Variants in SLC9C2 observed in about 807,000 individuals in gnomAD.
The protein encoded by SLC9C2 is solute carrier family 9 member C2 (putative).
Under a neutral mutation model 140.2 loss-of-function variants are expected in SLC9C2, and 75 were observed. The observed-to-expected ratio is 0.53, with a 90% CI of 0.44 to 0.65. The LOEUF (loss-of-function observed/expected upper bound fraction) is 0.65, where lower values mean the gene tolerates loss of function less well. Ranked by LOEUF, SLC9C2 falls within the 30% of genes least tolerant of loss-of-function variation. SLC9C2 has a pLI of 0.00. For synonymous variants in SLC9C2, 375 were observed against 420.9 expected, an observed-to-expected ratio of 0.89 and a Z score of 1.34; for missense variants, 1,074 against 1,331.8, an observed-to-expected ratio of 0.81 and a Z score of 3.01.
intron 27 of SLC9C2, among the ~76,000 whole-genome samples, chr1:173,502,536 G>A (rs984832568): frequency 6.6e-6 from 1 of 152,080 alleles, no homozygotes; most frequent in Admixed American, 6.5e-5. Context: ...CACCAAAATT[G>A]TCTCTATTCT....
At chr1:173,590,192 G>A (rs1666076156) in intron 4 of SLC9C2, among the ~76,000 whole-genome samples, 1 of 149,594 alleles carries the variant, frequency 6.7e-6, no homozygotes, top group South Asian at 2.1e-4. Context: ...ACAGTGAGCT[G>A]AGATTGTGCC....
chr1:173,572,517 T>C (rs1664906418), intron 9 of SLC9C2, among the ~76,000 whole-genome samples: 1 of 152,240 alleles, frequency 6.6e-6, no homozygotes, highest in African/African-American at 2.4e-5. Flanking sequence ...TAAATTCTTA[T>C]GGAAGACACA....
At chr1:173,538,916 A>G (rs1423429342) in intron 13 of SLC9C2, among the ~76,000 whole-genome samples, 1 of 152,084 alleles carries the variant, frequency 6.6e-6, no homozygotes, top group Non-Finnish European at 1.5e-5. Flanking sequence ...TGATATACAC[A>G]TTCTGTGAGA....
At chr1:173,544,930 A>G (rs1253651926) in intron 13 of SLC9C2, among the ~76,000 whole-genome samples, 2 of 152,182 alleles carry the variant, frequency 1.3e-5, no homozygotes, top group Admixed American at 6.5e-5. Flanking sequence ...TGGGTGCAGC[A>G]AACCAACATG....
chr1:173,572,044 T>C (rs1162701925), intron 9 of SLC9C2, among the ~76,000 whole-genome samples: 1 of 152,218 alleles, frequency 6.6e-6, no homozygotes, highest in Non-Finnish European at 1.5e-5. Context: ...TGAGATGATC[T>C]ATTATTATGC....
At chr1:173,507,488 G>A (rs1031817594) in intron 24 of SLC9C2, among the ~76,000 whole-genome samples, 3 of 150,404 alleles carry the variant, frequency 2.0e-5, no homozygotes, top group Non-Finnish European at 4.4e-5. Flanking sequence ...CTGGGAGGGA[G>A]TTATTATGGG....
intron 21 of SLC9C2, 125 bp from the exon 22 acceptor site, chr1:173,521,524 G>GTATA (rs3052169): frequency 3.6e-5 from 9 of 250,836 alleles, no homozygotes; most frequent in East Asian, 1.2e-4. Context: ...GTGTGTGTGT[G>GTATA]TATATATATA....
chr1:173,568,321 C>A (rs1210133866), intron 9 of SLC9C2, among the ~76,000 whole-genome samples: 1 of 152,040 alleles, frequency 6.6e-6, no homozygotes, highest in Admixed American at 6.6e-5. Context: ...CTGTTGTTTC[C>A]TTCTTTGTAT....
At chr1:173,542,957 G>T (rs1192690235) in intron 13 of SLC9C2, among the ~76,000 whole-genome samples, 2 of 152,176 alleles carry the variant, frequency 1.3e-5, no homozygotes, top group Non-Finnish European at 2.9e-5. Context: ...ACAAGACAGG[G>T]ATGCCCTCTC....
chr1:173,555,140 G>C (rs1391236298), intron 10 of SLC9C2: 1 of 179,832 alleles, frequency 5.6e-6, no homozygotes, highest in Admixed American at 6.2e-5. Context: ...GCCATCTCAG[G>C]CATGGCTGTG....
Position 173,524,077 on chromosome 1 carries a change from T to A in SLC9C2, c.2532A>T (p.Leu844Phe), listed in dbSNP as rs759582525. The stretch of plus-strand genomic sequence containing the variant: ...CCTTTGGAAAGTTATTTAGTGCTTT[T>A]AATTTTTTAAGAAGTACCTAAAAAC... ...IEINKVLLKKLKALNNFPKAI... is the reference protein window; with the variant it reads ...IEINKVLLKKFKALNNFPKAI... The change falls in exon 21 of 28, where the codon TTA (leucine) becomes TTT (phenylalanine). Residue 844 changes from leucine to phenylalanine, a missense_variant. Leu to Phe is a conservative substitution (Grantham distance 22). Coordinates refer to ENST00000367714, the MANE Select transcript of SLC9C2 (RefSeq NM_178527.4). 1.2e-6 allele frequency: 2 copies of A among 1,610,714 alleles called. No homozygotes were observed. Among genetic ancestry groups the A allele is most frequent in the Non-Finnish European group, 1.7e-6 (2 of 1,178,842 alleles).
chr1:173,601,199 A>G (rs1283867957), intron 2 of SLC9C2, among the ~76,000 whole-genome samples: 1 of 152,206 alleles, frequency 6.6e-6, no homozygotes, highest in Non-Finnish European at 1.5e-5. Context: ...GTAAATCATG[A>G]ATTGTATGCC....
intron 22 of SLC9C2, among the ~76,000 whole-genome samples, chr1:173,518,682 T>C (rs16846090): frequency 0.048 from 7,279 of 152,212 alleles, 624 homozygotes; most frequent in African/African-American, 0.17. Flanking sequence ...AGAGGAAGGT[T>C]CTTGTTCAAG....
intron 10 of SLC9C2, among the ~76,000 whole-genome samples, chr1:173,556,632 A>G (rs1663721520): frequency 6.6e-6 from 1 of 151,952 alleles, no homozygotes; most frequent in Non-Finnish European, 1.5e-5. Flanking sequence ...TTGCATTTGT[A>G]CCCGGGCCTG....
chr1:173,587,881 T>G (rs768789264), intron 4 of SLC9C2, 51 bp from the exon 5 acceptor site: 1 of 1,387,714 alleles, frequency 7.2e-7, no homozygotes, highest in Middle Eastern at 2.6e-4. Context: ...AAAGATGGCA[T>G]GATGGCATTT....
chr1:173,557,017 T>C lies in SLC9C2; in HGVS notation c.1215+323A>G, dbSNP rs553480486. ...CATTTATTAAGTGTCTGGTATTTTATTGAGCATCATCTCAATTCTCAACTG... is the reference window on the plus strand; with the variant it reads ...CATTTATTAAGTGTCTGGTATTTTACTGAGCATCATCTCAATTCTCAACTG... On this transcript the variant is annotated intron_variant, in intron 10 of 27. Coordinates refer to ENST00000367714, the MANE Select transcript of SLC9C2 (RefSeq NM_178527.4). Among the ~76,000 whole-genome samples, 4 of 152,322 alleles carry C rather than the reference T, an allele frequency of 2.6e-5. No homozygotes were observed. The South Asian group carries it at 8.3e-4, about 32-fold the overall frequency.
At chr1:173,592,657 GGCTGTTTTTGGTGTATTGCAAT>G in intron 4 of SLC9C2, among the ~76,000 whole-genome samples, 1 of 152,222 alleles carries the variant, frequency 6.6e-6, no homozygotes, top group South Asian at 2.1e-4. Context: ...CTCTCAGCTT[GGCTGTTTTTGGTGTATTGCAAT>G]GCTAATGATT....
intron 13 of SLC9C2, among the ~76,000 whole-genome samples, chr1:173,546,452 G>A (rs1418334765): frequency 3.9e-5 from 6 of 152,152 alleles, no homozygotes; most frequent in Non-Finnish European, 5.9e-5. Flanking sequence ...ATGGTGGCAC[G>A]CACTTGTAAT....
intron 9 of SLC9C2, among the ~76,000 whole-genome samples, chr1:173,557,792 G>T (rs879911112): frequency 1.2e-4 from 18 of 152,134 alleles, no homozygotes; most frequent in Non-Finnish European, 2.1e-4. Context: ...GGTAGTAAAT[G>T]CTCACAGGGA....
Sources: allele counts gnomAD v4.1 joint callset (sites outside exome capture counted in the v4.1 genomes callset), GRCh38; gene constraint gnomAD v4.1.1; transcripts MANE v1.5; gene names NCBI Gene and HGNC (gene_info 2026-07-23, HGNC 2026-07-21).